Variants in ZKSCAN3 observed in about 807,000 individuals in gnomAD.
ZKSCAN3 encodes zinc finger with KRAB and SCAN domains 3.
In ZKSCAN3, 21 loss-of-function variants were observed where a neutral mutation model predicts 30.7. The observed-to-expected ratio is 0.68, with a 90% CI of 0.49 to 0.99. The LOEUF is 0.99. Ranked by LOEUF, ZKSCAN3 falls within the 50% of genes least tolerant of loss-of-function variation. The probability of loss-of-function intolerance (pLI) is 0.00; values close to 1 mark genes in which losing one functional copy is unlikely to be tolerated. For missense variants in ZKSCAN3, 507 were observed against 647.1 expected (o/e 0.78, Z 2.35); for synonymous variants, 201 against 246.7 (o/e 0.81, Z 1.73).
rs1486057599 is a variant in ZKSCAN3, at chr6:28,366,609, G to T, written c.*324G>T. 1.0e-5 allele frequency: 2 copies of T among 200,138 alleles called. No homozygotes were observed. Among genetic ancestry groups the T allele is most frequent in the Non-Finnish European group, 2.0e-5 (2 of 99,604 alleles). 12.4% of individuals were successfully genotyped at this position (200,138 alleles called of 1,614,324 possible). On this transcript the variant is annotated 3_prime_UTR_variant, in exon 6 of 6. Coordinates refer to ENST00000252211, the MANE Select transcript of ZKSCAN3 (RefSeq NM_024493.4). ...AGCACTTGGTGATGTCTACTGGGTG[G>T]ATGGTTGTGATTTGGGGGCTGCTTC...
rs1205644764 is a variant in ZKSCAN3 at position 28,361,473 on chromosome 6, T to A, written c.550+2T>A. On this transcript the variant is annotated splice_donor_variant, in intron 3 of 5. Coordinates refer to ENST00000252211, the MANE Select transcript of ZKSCAN3 (RefSeq NM_024493.4). LOFTEE classifies it high-confidence loss of function. ...GATCCCAGCCTTTACAAGATAGAGG[T>A]AAGGATTATTTTCTAGACAGTATGA... is the stretch of plus-strand genomic sequence containing the variant. 1 of 1,602,874 alleles carries A rather than the reference T, an allele frequency of 6.2e-7. No homozygotes were observed. The highest frequency in any genetic ancestry group is 1.8e-5 in the Admixed American group (1 of 56,788).
rs750411773 is a variant in ZKSCAN3, at chr6:28,363,347, G to A, written c.595G>A (p.Asp199Asn). The part of the protein sequence containing the change: ...VLAHGGCCRE[D>N]KVVASRLTPE... ...TGCCCATGGAGGATGCTGCAGAGAA[G>A]ATAAAGTGGTAGCTTCTAGGCTTAC... The change falls in exon 4 of 6, where the codon GAT becomes AAT. Residue 199 changes from aspartate (D) to asparagine (N), a missense_variant. By Grantham distance (23) the Asp-to-Asn change is conservative. Coordinates refer to ENST00000252211, the MANE Select transcript of ZKSCAN3 (RefSeq NM_024493.4). The A allele has an allele frequency of 6.2e-7, 1 of 1,614,022 alleles. No individual in the cohort carries two copies. The highest frequency in any genetic ancestry group is 1.1e-5 in the South Asian group (1 of 91,072).
In ZKSCAN3 at chr6:28,366,344, C is replaced by A. The variant is rs1273462773; in HGVS notation, c.*59C>A. 1.3e-5 allele frequency: 19 copies of A among 1,470,886 alleles called. No homozygotes were observed. In the Admixed American group the frequency reaches 4.5e-4, roughly 35 times the overall value. The allele number at this position is 1,470,886 out of a possible 1,614,324, so 91.1% of individuals were successfully genotyped here. On this transcript the variant is annotated 3_prime_UTR_variant, in exon 6 of 6. Transcript: ENST00000252211. ...TGTCACTGATCTGAAGCCACTCCCC[C>A]TGGAGTCTCAACTATAGAAATTGTG...
At chr6:28,353,747 A>G (rs1393505600) in intron 1 of ZKSCAN3, 2 of 444,434 alleles carry the variant, frequency 4.5e-6, no homozygotes, top group Non-Finnish European at 4.6e-6. Flanking sequence ...AGTTCTGGGG[A>G]AGACTGTGGA....
rs1427622470 is a variant in ZKSCAN3, at chr6:28,366,118, G to A, written c.1450G>A (p.Glu484Lys). 2 of 1,610,194 alleles carry A rather than the reference G, an allele frequency of 1.2e-6. No homozygotes were observed. Among genetic ancestry groups the A allele is most frequent in the African/African-American group, 1.3e-5 (1 of 74,658 alleles). ...VETPMSYKCNECERSFTQNTG... is the reference protein window; with the variant it reads ...VETPMSYKCNKCERSFTQNTG... ...AACTCCCATGTCTTATAAATGTAATGAGTGTGAAAGAAGTTTCACTCAGAA... is the reference window on the plus strand; with the variant it reads ...AACTCCCATGTCTTATAAATGTAATAAGTGTGAAAGAAGTTTCACTCAGAA... Residue 484 changes from glutamate (E) to lysine (K), a missense_variant, in exon 6 of 6, where the codon GAG (glutamate) becomes AAG (lysine). Transcript: ENST00000252211.
At chr6:28,362,174 T>C (rs774361472) in intron 3 of ZKSCAN3, among the ~76,000 whole-genome samples, 12 of 152,238 alleles carry the variant, frequency 7.9e-5, no homozygotes, top group Non-Finnish European at 1.0e-4. Context: ...CAGTTAGCTC[T>C]GGGAATGGAA....
chr6:28,351,989 T>G lies in ZKSCAN3; in HGVS notation c.-63+1922T>G, dbSNP rs1765062949. 6.6e-6 allele frequency among the ~76,000 whole-genome samples: 1 copy of G among 152,078 alleles called. No individual in the cohort carries two copies. Among genetic ancestry groups the G allele is most frequent in the African/African-American group, 2.4e-5 (1 of 41,408 alleles). ...GTCTCAAATATTTCTAGAGTTTTTTTTTTTTACAGTCTTTTTACAGTTGTT... is the reference window on the plus strand; with the variant it reads ...GTCTCAAATATTTCTAGAGTTTTTTGTTTTTACAGTCTTTTTACAGTTGTT... On this transcript the variant is annotated intron_variant, in intron 1 of 5. Transcript: ENST00000252211. The surrounding 1 kb of genome is among the most constrained non-coding windows in gnomAD (Gnocchi z 4.6).
chr6:28,361,320 CTAGGT>C lies in ZKSCAN3; in HGVS notation c.403-2_405del. ...ACATGAAAATAAGAACAAATGATTTCTAGGTTTCAGGTGTTGACCAGGGGCAAGAA... is the reference window on the plus strand; with the variant it reads ...ACATGAAAATAAGAACAAATGATTTCTTCAGGTGTTGACCAGGGGCAAGAA... On this transcript the variant is annotated splice_acceptor_variant and splice_polypyrimidine_tract_variant and coding_sequence_variant and intron_variant, in exon 3 of 6. Transcript: ENST00000252211. LOFTEE classifies it high-confidence loss of function. 6.2e-7 allele frequency: 1 copy of C among 1,610,700 alleles called. No homozygotes were observed. Among genetic ancestry groups the C allele is most frequent in the Non-Finnish European group, 8.5e-7 (1 of 1,179,158 alleles).
Position 28,359,661 on chromosome 6 carries a change from A to G in ZKSCAN3, c.75A>G (p.Ile25Met). 1.9e-6 allele frequency: 3 copies of G among 1,614,216 alleles called. No homozygotes were observed. Among genetic ancestry groups the G allele is most frequent in the Non-Finnish European group, 2.5e-6 (3 of 1,180,044 alleles). ...STEDQMELLV[I>M]KVEEEEAGFP... ...AAGACCAGATGGAGCTTCTGGTCAT[A>G]AAGGTGGAGGAAGAAGAAGCCGGTT... is the stretch of plus-strand genomic sequence containing the variant. The change falls in exon 2 of 6, where the codon ATA becomes ATG. Residue 25 changes from isoleucine to methionine, a missense_variant. Transcript: ENST00000252211.
At chr6:28,349,928 C>G (rs564722467), upstream of ZKSCAN3, 14 of 152,330 alleles carry the variant, frequency 9.2e-5, no homozygotes, top group African/African-American at 3.4e-4. The surrounding 1 kb of genome is among the most constrained non-coding windows in gnomAD (Gnocchi z 4.1). Context: ...GCTTCTGTGC[C>G]CCGCCCTGCG....
rs1057026902 is a variant in ZKSCAN3, at chr6:28,367,468, G to A, written c.*1183G>A. The A allele has an allele frequency of 6.6e-6, 1 of 151,682 alleles. No individual in the cohort carries two copies. The highest frequency in any genetic ancestry group is 1.5e-5 in the Non-Finnish European group (1 of 67,950). 9.4% of individuals were successfully genotyped at this position (151,682 alleles called of 1,614,324 possible). A position where few individuals can be genotyped will look rare whatever the true frequency, so the allele number is the denominator to read the frequency against. ...CCCAGCCCAAATTTCACTCTTTAATGTTTTCCTGTTGCTATTCTTTAAGGA... is the reference window on the plus strand; with the variant it reads ...CCCAGCCCAAATTTCACTCTTTAATATTTTCCTGTTGCTATTCTTTAAGGA... On this transcript the variant is annotated 3_prime_UTR_variant, in exon 6 of 6. Coordinates refer to ENST00000252211, the MANE Select transcript of ZKSCAN3 (RefSeq NM_024493.4).
At chr6:28,355,229 T>G (rs1017656422) in intron 1 of ZKSCAN3, 2 of 152,202 alleles carry the variant, frequency 1.3e-5, no homozygotes, top group Non-Finnish European at 2.9e-5. Context: ...GTTAGCATAC[T>G]TTGCTGTTCC....
intron 1 of ZKSCAN3, among the ~76,000 whole-genome samples, chr6:28,358,523 C>G: frequency 7.3e-6 from 1 of 137,204 alleles, no homozygotes; most frequent in East Asian, 1.9e-4. Flanking sequence ...CAATGCAGAA[C>G]CCACAGATAT....
chr6:28,364,820 C>T (rs866008103), intron 5 of ZKSCAN3, among the ~76,000 whole-genome samples: 64 of 152,136 alleles, frequency 4.2e-4, no homozygotes, highest in African/African-American at 1.4e-3. Flanking sequence ...CTCTACCTCT[C>T]ATGTTCAAGT....
At chr6:28,352,338 C>T (rs1561928919) in intron 1 of ZKSCAN3, among the ~76,000 whole-genome samples, 1 of 152,146 alleles carries the variant, frequency 6.6e-6, no homozygotes, top group Non-Finnish European at 1.5e-5. Context: ...TTGCAATCTC[C>T]ATCTCCCAGG....
chr6:28,361,338 C>T lies in ZKSCAN3; in HGVS notation c.417C>T (p.Asp139=), dbSNP rs748646920. 3.1e-6 allele frequency: 5 copies of T among 1,612,202 alleles called. No homozygotes were observed. In the South Asian group the frequency reaches 4.4e-5, roughly 14 times the overall value. ...ATGATTTCTAGGTTTCAGGTGTTGACCAGGGGCAAGAACTGCTCTGTTGCA... is the reference window on the plus strand; with the variant it reads ...ATGATTTCTAGGTTTCAGGTGTTGATCAGGGGCAAGAACTGCTCTGTTGCA... ...DEPAPQVSGV[D]QGQELLCCKM... Residue 139 remains aspartate (D), a synonymous_variant, in exon 3 of 6, where the codon GAC becomes GAT. Coordinates refer to ENST00000252211, the MANE Select transcript of ZKSCAN3 (RefSeq NM_024493.4).
intron 5 of ZKSCAN3, among the ~76,000 whole-genome samples, chr6:28,364,355 T>C (rs903384280): frequency 5.9e-5 from 9 of 152,174 alleles, no homozygotes; most frequent in Non-Finnish European, 1.5e-5. Flanking sequence ...TTGAAGTCGA[T>C]ACAACCCCGA....
chr6:28,350,585 G>A (rs1764933094), intron 1 of ZKSCAN3, among the ~76,000 whole-genome samples: 1 of 152,144 alleles, frequency 6.6e-6, no homozygotes, highest in Non-Finnish European at 1.5e-5. Flanking sequence ...GGGTTGTTGT[G>A]AGGATTGAAT....
In ZKSCAN3 at chr6:28,359,572, C is replaced by T. The variant is rs762403893; in HGVS notation, c.-15C>T. On this transcript the variant is annotated 5_prime_UTR_variant, in exon 2 of 6. Coordinates refer to ENST00000252211, the MANE Select transcript of ZKSCAN3 (RefSeq NM_024493.4). ...TGGAAGCTAGAGTGAGGCCTGAGTA[C>T]TGCCTTGGCCTAGGATGGCTAGAGA... 16 of 1,609,852 alleles carry T rather than the reference C, an allele frequency of 9.9e-6. No individual in the cohort carries two copies. Among genetic ancestry groups the T allele is most frequent in the Non-Finnish European group, 1.4e-5 (16 of 1,176,958 alleles).
Sources: allele counts gnomAD v4.1 joint callset (sites outside exome capture counted in the v4.1 genomes callset), GRCh38; gene constraint gnomAD v4.1.1; non-coding constraint Gnocchi (gnomAD v3.1); transcripts MANE v1.5; gene names NCBI Gene and HGNC (gene_info 2026-07-23, HGNC 2026-07-21).